Variants in ADK observed in about 807,000 individuals in gnomAD.
ADK encodes the protein N6,N6-dimethyladenosine kinase.
In ADK, 24 loss-of-function variants were observed where a neutral mutation model predicts 44.7. That is an observed-to-expected ratio of 0.54 (90% CI 0.39 to 0.76). The LOEUF (loss-of-function observed/expected upper bound fraction) is 0.76. Among genes scored for constraint, ADK ranks in the 30% least tolerant of loss-of-function variants. ADK has a pLI of 0.00. For synonymous variants in ADK, 128 were observed against 142.6 expected, an observed-to-expected ratio of 0.90 and a Z score of 0.73; for missense variants, 321 against 425.1, an observed-to-expected ratio of 0.76 and a Z score of 2.15.
intron 6 of ADK, among the ~76,000 whole-genome samples, chr10:74,449,998 G>GT (rs1275740103): frequency 1.3e-5 from 2 of 152,062 alleles, no homozygotes; most frequent in Non-Finnish European, 2.9e-5. Context: ...CGAAATCACT[G>GT]TATCTAAATT....
chr10:74,301,513 C>CAAA (rs34310248), intron 3 of ADK, among the ~76,000 whole-genome samples: 6 of 56,686 alleles, frequency 1.1e-4, no homozygotes, highest in Non-Finnish European at 1.5e-4. Flanking sequence ...GACTCTGTCT[C>CAAA]AAAAAAAAAA....
intron 4 of ADK, among the ~76,000 whole-genome samples, chr10:74,363,252 C>T (rs534328488): frequency 6.6e-6 from 1 of 152,304 alleles, no homozygotes; most frequent in African/African-American, 2.4e-5. Flanking sequence ...TCCCTGACTA[C>T]AGCAGGAGAG....
At chr10:74,476,702 G>A (rs984809786) in intron 6 of ADK, among the ~76,000 whole-genome samples, 1 of 152,070 alleles carries the variant, frequency 6.6e-6, no homozygotes. Context: ...ATCACAGTTT[G>A]CATTCCATCT....
At chr10:74,320,809 T>G (rs533248038) in intron 4 of ADK, among the ~76,000 whole-genome samples, 2 of 152,342 alleles carry the variant, frequency 1.3e-5, no homozygotes, top group South Asian at 4.1e-4. Flanking sequence ...TTAGAGATTT[T>G]GAGTAGTGTT....
intron 3 of ADK, among the ~76,000 whole-genome samples, chr10:74,279,928 T>C (rs1846857361): frequency 6.6e-6 from 1 of 152,014 alleles, no homozygotes; most frequent in Admixed American, 6.6e-5. Context: ...TTCAGAAGGC[T>C]CAGGGAGGAG....
chr10:74,160,507 T>A (rs2132035131), intron 1 of ADK, among the ~76,000 whole-genome samples: 1 of 152,276 alleles, frequency 6.6e-6, no homozygotes, highest in African/African-American at 2.4e-5. Context: ...ACCCTTGAAT[T>A]TTTTCCTGGA....
intron 9 of ADK, among the ~76,000 whole-genome samples, chr10:74,602,527 C>T (rs1327284681): frequency 6.6e-6 from 1 of 152,084 alleles, no homozygotes; most frequent in Admixed American, 6.6e-5. Flanking sequence ...AATTAACCTC[C>T]CCATTCTGTG....
At chr10:74,467,720 CA>C (rs1478745382) in intron 6 of ADK, among the ~76,000 whole-genome samples, 3 of 151,630 alleles carry the variant, frequency 2.0e-5, no homozygotes, top group African/African-American at 4.8e-5. Context: ...TTAATTTTCC[CA>C]AAAAAATTCA....
At chr10:74,158,705 T>C (rs1356989376) in intron 1 of ADK, among the ~76,000 whole-genome samples, 1 of 152,248 alleles carries the variant, frequency 6.6e-6, no homozygotes, top group Non-Finnish European at 1.5e-5. Context: ...ATTACTTATT[T>C]ATAGTTTACT....
chr10:74,646,636 T>C (rs1256188593), intron 9 of ADK, among the ~76,000 whole-genome samples: 3 of 152,200 alleles, frequency 2.0e-5, no homozygotes, highest in African/African-American at 7.2e-5. Flanking sequence ...TGAAGCCTGA[T>C]AATGCCACAC....
intron 6 of ADK, among the ~76,000 whole-genome samples, chr10:74,411,335 T>C (rs1292176176): frequency 6.6e-6 from 1 of 152,222 alleles, no homozygotes; most frequent in Non-Finnish European, 1.5e-5. Context: ...TAATTTTATT[T>C]GAGAGTCACT....
In ADK at chr10:74,566,599, G is replaced by A. The variant is rs150422804; in HGVS notation, c.727-22683G>A. Among the ~76,000 whole-genome samples the A allele has an allele frequency of 8.5e-5, 13 of 152,248 alleles. No individual in the cohort carries two copies. The East Asian group carries it at 2.5e-3, about 29-fold the overall frequency. ...CATTTAAATGCCAGTTATAAAATCAGAAATTCTTATTTGTGCTTAAACATA... is the reference window on the plus strand; with the variant it reads ...CATTTAAATGCCAGTTATAAAATCAAAAATTCTTATTTGTGCTTAAACATA... On this transcript the variant is annotated intron_variant, in intron 7 of 10. Coordinates refer to ENST00000539909, the MANE Select transcript of ADK (RefSeq NM_006721.4).
At chr10:74,493,448 A>ATATATATC (rs1554869293) in intron 6 of ADK, among the ~76,000 whole-genome samples, 1 of 150,280 alleles carries the variant, frequency 6.7e-6, no homozygotes, top group African/African-American at 2.5e-5. Context: ...ATATATATAT[A>ATATATATC]TCTCATCTAT....
intron 6 of ADK, among the ~76,000 whole-genome samples, chr10:74,408,908 T>C (rs766021966): frequency 1.9e-4 from 29 of 152,260 alleles, no homozygotes; most frequent in South Asian, 6.2e-4. Context: ...AGAAAATCTA[T>C]GTATAGGTTG....
At chr10:74,285,343 A>AGT (rs1847121276) in intron 3 of ADK, among the ~76,000 whole-genome samples, 1 of 152,200 alleles carries the variant, frequency 6.6e-6, no homozygotes, top group African/African-American at 2.4e-5. Context: ...ATTTGTGAAT[A>AGT]GTCTTTGTAC....
chr10:74,242,725 G>A (rs1845264404), intron 3 of ADK, among the ~76,000 whole-genome samples: 1 of 152,102 alleles, frequency 6.6e-6, no homozygotes, highest in East Asian at 1.9e-4. Flanking sequence ...ATTGAATGTT[G>A]CCTTTTCCAA....
At chr10:74,430,508 A>G (rs946060036) in intron 6 of ADK, among the ~76,000 whole-genome samples, 1 of 152,140 alleles carries the variant, frequency 6.6e-6, no homozygotes, top group Admixed American at 6.5e-5. Flanking sequence ...TAATCCCAGC[A>G]TTTTAGGAGG....
At chr10:74,224,339 C>G (rs1178523217) in intron 2 of ADK, among the ~76,000 whole-genome samples, 199 bp from the exon 3 acceptor site, 1 of 152,116 alleles carries the variant, frequency 6.6e-6, no homozygotes, top group Non-Finnish European at 1.5e-5. Context: ...TTAAGGTGAT[C>G]TCCTTTCAGT....
intron 7 of ADK, among the ~76,000 whole-genome samples, chr10:74,559,451 C>T (rs928610078): frequency 1.3e-5 from 2 of 152,134 alleles, no homozygotes; most frequent in Non-Finnish European, 2.9e-5. Flanking sequence ...GTTTATTCTT[C>T]TATTGAAAGC....
Sources: gnomAD v4.1 joint callset for allele counts (sites outside exome capture counted in the v4.1 genomes callset) on GRCh38, gnomAD v4.1.1 for gene constraint, MANE v1.5 for transcripts, NCBI Gene and HGNC (gene_info 2026-07-23, HGNC 2026-07-21) for gene names.